HERC2: variants seen among roughly 807,000 people sequenced by gnomAD.
HERC2 encodes HECT and RLD domain containing E3 ubiquitin protein ligase 2, also known as E3 ubiquitin-protein ligase HERC2.
In HERC2, 102 loss-of-function variants were observed where a neutral mutation model predicts 537.7. That is an observed-to-expected ratio of 0.19 (90% CI 0.16 to 0.22). The LOEUF is 0.22. Ranked by LOEUF, HERC2 falls within the 10% of genes least tolerant of loss-of-function variation. HERC2 has a pLI of 1.00. For synonymous variants in HERC2, 2,224 were observed against 2,466.2 expected, an observed-to-expected ratio of 0.90 and a Z score of 2.91; for missense variants, 4,236 against 6,198.2, an observed-to-expected ratio of 0.68 and a Z score of 10.63.
rs775066829 is a variant in HERC2 at position 28,268,423 on chromosome 15, T to G, written c.1598+42A>C. The G allele has an allele frequency of 1.9e-6, 3 of 1,583,992 alleles. No individual in the cohort carries two copies. The highest frequency in any genetic ancestry group is 3.5e-5 in the Admixed American group (2 of 57,960). Reference sequence around the variant, plus strand: ...CCATCCTGTTTAGGATATGGCAACATAAAAGGAGAGTGTGTCCCCTACAGG... The same window carrying G: ...CCATCCTGTTTAGGATATGGCAACAGAAAAGGAGAGTGTGTCCCCTACAGG... On this transcript the variant is annotated intron_variant, in intron 12 of 92. Transcript: ENST00000261609. The surrounding 1 kb of genome is among the most constrained non-coding windows in gnomAD (Gnocchi z 4.7).
intron 70 of HERC2, among the ~76,000 whole-genome samples, chr15:28,148,580 C>T (rs761691843): frequency 6.6e-6 from 1 of 152,172 alleles, no homozygotes; most frequent in African/African-American, 2.4e-5. Flanking sequence ...TCACCGAGAA[C>T]GGCCGCATGA....
chr15:28,171,812 C>T (rs920492288), intron 65 of HERC2, among the ~76,000 whole-genome samples: 23 of 152,236 alleles, frequency 1.5e-4, no homozygotes, highest in African/African-American at 2.9e-4. Context: ...CGGTGACTCA[C>T]GCCTGTAATC....
At chr15:28,314,967 G>A (rs963194304) in intron 2 of HERC2, among the ~76,000 whole-genome samples, 1 of 152,170 alleles carries the variant, frequency 6.6e-6, no homozygotes, top group African/African-American at 2.4e-5. Context: ...CAGGACAATA[G>A]CCAAGGTGAG....
Position 28,257,153 on chromosome 15 carries a change from C to A in HERC2, c.2425G>T (p.Val809Leu). 6.2e-7 allele frequency: 1 copy of A among 1,613,948 alleles called. No homozygotes were observed. Among genetic ancestry groups the A allele is most frequent in the Non-Finnish European group, 8.5e-7 (1 of 1,179,832 alleles). Reference protein sequence around the residue: ...FEQLDLLLRQVSEGMDGSADW... With the variant: ...FEQLDLLLRQLSEGMDGSADW... ...GCGGAACCATCCATCCCCTCACTCA[C>A]CTGCCGAAGCAGGAGATCCAGCTGC... The change falls in exon 17 of 93, where the codon GTG becomes TTG. Residue 809 changes from valine (V) to leucine (L), a missense_variant. Val to Leu is a conservative substitution (Grantham distance 32). Around this residue, in one of 27 missense-constraint regions of HERC2, gnomAD observed 754 missense variants for 1,085.0 expected, o/e 0.69. Coordinates refer to ENST00000261609, the MANE Select transcript of HERC2 (RefSeq NM_004667.6).
chr15:28,193,337 T>C (rs1347648569), intron 52 of HERC2, among the ~76,000 whole-genome samples: 1 of 152,086 alleles, frequency 6.6e-6, no homozygotes, highest in Non-Finnish European at 1.5e-5. Flanking sequence ...ACTGATAAAT[T>C]GAATAATTAA....
intron 4 of HERC2, among the ~76,000 whole-genome samples, chr15:28,281,765 G>C (rs774872659): frequency 2.0e-5 from 3 of 152,206 alleles, no homozygotes; most frequent in Non-Finnish European, 4.4e-5. Context: ...GAAAGGTAAA[G>C]CAGTGCCCCT....
At chr15:28,117,262 G>A (rs1888364557) in intron 86 of HERC2, 108 bp from the exon 87 acceptor site, 2 of 1,104,942 alleles carry the variant, frequency 1.8e-6, no homozygotes, top group East Asian at 2.4e-5. Flanking sequence ...CCGTGCATGG[G>A]CCCCTCCCTG....
chr15:28,287,719 C>CTTTTTTTTTTTTT (rs766216433), intron 4 of HERC2, among the ~76,000 whole-genome samples: 2 of 124,822 alleles, frequency 1.6e-5, no homozygotes, highest in Non-Finnish European at 3.2e-5. Context: ...ACTTATTCCT[C>CTTTTTTTTTTTTT]TTTTTTTTTT....
At chr15:28,250,106 G>A (rs1459960165) in intron 20 of HERC2, among the ~76,000 whole-genome samples, 3 of 116,426 alleles carry the variant, frequency 2.6e-5, no homozygotes, top group Non-Finnish European at 4.9e-5. Flanking sequence ...ACAACACCAA[G>A]AGTGAGGACA....
At chr15:28,318,365 G>A (rs1304597235) in intron 2 of HERC2, among the ~76,000 whole-genome samples, 1 of 152,146 alleles carries the variant, frequency 6.6e-6, no homozygotes, top group South Asian at 2.1e-4. Flanking sequence ...GGTGGCTCAC[G>A]CCTATAATCC....
rs1408688680 is a variant in HERC2, at chr15:28,182,462, G to C, written c.8876C>G (p.Thr2959Ser). ...AGLESAATIRTKVFVWGLNDK... is the reference protein window; with the variant it reads ...AGLESAATIRSKVFVWGLNDK... ...ATTCAGGCCCCACACAAACACCTTGGTTCTTATCGTAGCTGCTGATTCCAG... is the reference window on the plus strand; with the variant it reads ...ATTCAGGCCCCACACAAACACCTTGCTTCTTATCGTAGCTGCTGATTCCAG... The change falls in exon 57 of 93, where the codon ACC becomes AGC. Residue 2959 changes from threonine to serine, a missense_variant. Physicochemically the swap from Thr to Ser is moderately conservative, Grantham distance 58. Coordinates refer to ENST00000261609, the MANE Select transcript of HERC2 (RefSeq NM_004667.6). 1.2e-6 allele frequency: 2 copies of C among 1,613,484 alleles called. No individual in the cohort carries two copies. Among genetic ancestry groups the C allele is most frequent in the African/African-American group, 1.3e-5 (1 of 74,728 alleles).
intron 7 of HERC2, 28 bp downstream of exon 7, chr15:28,274,263 G>T: frequency 6.2e-7 from 1 of 1,612,064 alleles, no homozygotes; most frequent in Non-Finnish European, 8.5e-7. Context: ...CTGTCTGCGT[G>T]CAGAAGGCAA....
chr15:28,240,230 A>G (rs896030137), intron 23 of HERC2, among the ~76,000 whole-genome samples: 1 of 152,186 alleles, frequency 6.6e-6, no homozygotes, highest in Non-Finnish European at 1.5e-5. Context: ...CATCCTGGCT[A>G]ACACGGTGAA....
At chr15:28,192,191 A>G in intron 52 of HERC2, 40 bp from the exon 53 acceptor site, 1 of 1,517,058 alleles carries the variant, frequency 6.6e-7, no homozygotes, top group South Asian at 1.1e-5. Flanking sequence ...ACCCTTGCTG[A>G]ACTGGGGAGA....
At chr15:28,299,309 A>G in intron 3 of HERC2, 93 bp downstream of exon 3, 1 of 468,214 alleles carries the variant, frequency 2.1e-6, no homozygotes, top group Non-Finnish European at 3.9e-6. Flanking sequence ...TTAAGCTCAA[A>G]GCTCCTGTTC....
At chr15:28,220,041 G>A (rs1157870573) in intron 37 of HERC2, among the ~76,000 whole-genome samples, 2 of 152,200 alleles carry the variant, frequency 1.3e-5, no homozygotes, top group Non-Finnish European at 2.9e-5. Context: ...GGTGGGGTGT[G>A]CTTGGGCAGG....
At chr15:28,143,750 G>T in intron 74 of HERC2, 123 bp downstream of exon 74, 1 of 1,275,932 alleles carries the variant, frequency 7.8e-7, no homozygotes, top group African/African-American at 1.5e-5. Context: ...CCGGTCCAAG[G>T]CCTCCTTATT....
intron 2 of HERC2, among the ~76,000 whole-genome samples, chr15:28,312,073 G>A (rs1243104485): frequency 1.3e-5 from 2 of 152,280 alleles, no homozygotes; most frequent in African/African-American, 2.4e-5. Context: ...ACTCCTGGAA[G>A]GACATGCACT....
At chr15:28,229,138 C>T (rs1567043443) in intron 34 of HERC2, 57 bp downstream of exon 34, 1 of 1,467,288 alleles carries the variant, frequency 6.8e-7, no homozygotes, top group Non-Finnish European at 9.5e-7. Context: ...TGCAAGTTTC[C>T]ACAACATATA....
Sources: gnomAD v4.1 joint callset for allele counts (sites outside exome capture counted in the v4.1 genomes callset) on GRCh38, gnomAD v4.1.1 for gene constraint, gnomAD v4.1.1 regional missense constraint, Gnocchi (gnomAD v3.1) non-coding constraint, MANE v1.5 for transcripts, NCBI Gene and HGNC (gene_info 2026-07-23, HGNC 2026-07-21) for gene names.